Variants in TTC34 observed in about 807,000 individuals in gnomAD.
TTC34 encodes tetratricopeptide repeat domain 34, also known as tetratricopeptide repeat protein 34.
In TTC34, 44 loss-of-function variants were observed where a neutral mutation model predicts 40.7. The ratio of observed to expected loss-of-function variants is 1.08; its 90% CI spans 0.85 to 1.39. The LOEUF is 1.39. TTC34 is among the 40% of genes most tolerant of loss of function. The pLI is 0.00. For missense variants in TTC34, 884 were observed against 838.0 expected, an observed-to-expected ratio of 1.05 and a Z score of -0.68; for synonymous variants, 422 against 398.6, an observed-to-expected ratio of 1.06 and a Z score of -0.70.
intron 6 of TTC34, among the ~76,000 whole-genome samples, chr1:2,686,485 AGCTGAGCCTGTGACAGCCT>A (rs1640354840): frequency 5.3e-5 from 5 of 94,026 alleles, no homozygotes; most frequent in African/African-American, 2.5e-4. Flanking sequence ...CCACATGCCC[AGCTGAGCCTGTGACAGCCT>A]CGAACAGCAC....
intron 6 of TTC34, chr1:2,774,989 C>A: frequency 7.9e-6 from 1 of 126,426 alleles, no homozygotes; most frequent in Non-Finnish European, 1.7e-5. Flanking sequence ...CCCTGCACCC[C>A]CAGGTGAGCA....
intron 6 of TTC34, among the ~76,000 whole-genome samples, chr1:2,678,123 G>A (rs867043947): frequency 7.4e-5 from 1 of 13,482 alleles, no homozygotes. Flanking sequence ...GCCCGGAGCA[G>A]TGCCCACACC....
At chr1:2,685,182 T>C (rs1640272385) in intron 6 of TTC34, among the ~76,000 whole-genome samples, 1 of 142,384 alleles carries the variant, frequency 7.0e-6, no homozygotes, top group Non-Finnish European at 1.5e-5. Context: ...TCTGACTGCC[T>C]GGAACAGCAC....
intron 6 of TTC34, among the ~76,000 whole-genome samples, chr1:2,683,428 T>A (rs1241780939): frequency 1.8e-4 from 1 of 5,534 alleles, no homozygotes; most frequent in Non-Finnish European, 3.5e-4. Context: ...AACACCACCC[T>A]TCACCCCCAG....
chr1:2,654,165 C>T (rs1249540445), intron 6 of TTC34, among the ~76,000 whole-genome samples: 145 of 136,606 alleles, frequency 1.1e-3, no homozygotes, highest in Admixed American at 3.6e-3. Flanking sequence ...GAGCAGCACC[C>T]ACACCCCCAG....
chr1:2,683,795 C>T (rs1463133988), intron 6 of TTC34, among the ~76,000 whole-genome samples: 5 of 151,272 alleles, frequency 3.3e-5, no homozygotes, highest in Non-Finnish European at 5.9e-5. Context: ...CACGCACACC[C>T]CCAGTTGAGC....
intron 6 of TTC34, among the ~76,000 whole-genome samples, chr1:2,652,904 A>C (rs1639199383): frequency 6.6e-6 from 1 of 152,160 alleles, no homozygotes; most frequent in Non-Finnish European, 1.5e-5. Context: ...TGAGCATCGG[A>C]GAGTCTGGAG....
intron 6 of TTC34, among the ~76,000 whole-genome samples, chr1:2,750,362 C>A (rs1307164964): frequency 2.0e-5 from 2 of 101,690 alleles, no homozygotes; most frequent in African/African-American, 4.7e-5. Context: ...CAGCACCCTG[C>A]ACCCCGAGGT....
intron 6 of TTC34, among the ~76,000 whole-genome samples, chr1:2,751,042 CA>C (rs1641302471): frequency 8.2e-6 from 1 of 121,734 alleles, no homozygotes; most frequent in Non-Finnish European, 1.7e-5. Flanking sequence ...GAACAGAACC[CA>C]CACCCCCAGG....
chr1:2,692,023 AC>A (rs1182779665), intron 6 of TTC34, among the ~76,000 whole-genome samples: 1 of 111,096 alleles, frequency 9.0e-6, no homozygotes. Context: ...CAGCACCCAC[AC>A]CCCCAGGTGA....
Position 2,751,450 on chromosome 1 carries a change from C to A in TTC34, c.2226+32159G>T, listed in dbSNP as rs1393953179. On this transcript the variant is annotated intron_variant, in intron 6 of 8. Transcript: ENST00000401095. ...CAGCCTGGAACAGAGCCCAGACCCC[C>A]AGGTGAGCATCTGACAGACTGGAAC... is the stretch of plus-strand genomic sequence containing the variant. Among the ~76,000 whole-genome samples the A allele has an allele frequency of 5.0e-5, 5 of 100,836 alleles. 1 individual carries two copies. Among genetic ancestry groups the A allele is most frequent in the African/African-American group, 9.0e-5 (2 of 22,334 alleles). The allele number at this position is 100,836 out of a possible 152,430, so 66.2% of individuals were successfully genotyped here. A position where few individuals can be genotyped will look rare whatever the true frequency, so the allele number is the denominator to read the frequency against.
intron 6 of TTC34, among the ~76,000 whole-genome samples, chr1:2,781,089 C>T (rs1462623097): frequency 1.3e-5 from 2 of 152,082 alleles, no homozygotes; most frequent in African/African-American, 4.8e-5. Context: ...GAATTTTTTT[C>T]AATAAATACA....
intron 6 of TTC34, among the ~76,000 whole-genome samples, chr1:2,764,129 C>G (rs1422562141): frequency 7.6e-5 from 11 of 145,544 alleles, no homozygotes; most frequent in African/African-American, 2.6e-4. Flanking sequence ...CAGCCTGGAA[C>G]AGAACCCCAC....
chr1:2,675,763 CA>C (rs2100295149), intron 6 of TTC34, among the ~76,000 whole-genome samples: 2 of 47,768 alleles, frequency 4.2e-5, no homozygotes, highest in Non-Finnish European at 1.0e-4. Flanking sequence ...GGCAACCACA[CA>C]CGCAGGTGCG....
At chr1:2,681,922 G>A (rs1371622437) in intron 6 of TTC34, among the ~76,000 whole-genome samples, 1 of 112,018 alleles carries the variant, frequency 8.9e-6, no homozygotes, top group Admixed American at 8.6e-5. Flanking sequence ...GTGCGCATGT[G>A]ACAGCCTGGA....
At chr1:2,685,229 G>T (rs1158412890) in intron 6 of TTC34, among the ~76,000 whole-genome samples, 2 of 81,842 alleles carry the variant, frequency 2.4e-5, no homozygotes, top group African/African-American at 4.4e-5. Flanking sequence ...TCGTGGAGCA[G>T]CACCCACACC....
At chr1:2,795,577 C>T (rs1411575775) in intron 2 of TTC34, among the ~76,000 whole-genome samples, 3 of 152,202 alleles carry the variant, frequency 2.0e-5, no homozygotes, top group African/African-American at 4.8e-5. Context: ...ATCACTTCTA[C>T]CATATTCTAC....
intron 6 of TTC34, among the ~76,000 whole-genome samples, chr1:2,683,751 C>A (rs113131425): frequency 6.7e-6 from 1 of 150,042 alleles, no homozygotes. Context: ...ACAGCACCCA[C>A]ACCCCCAGGT....
At chr1:2,687,377 C>A (rs1314604274) in intron 6 of TTC34, among the ~76,000 whole-genome samples, 2 of 151,530 alleles carry the variant, frequency 1.3e-5, no homozygotes, top group African/African-American at 2.4e-5. Flanking sequence ...CCCAGGCGAG[C>A]ATCTGACAGC....
Sources: allele counts gnomAD v4.1 joint callset (sites outside exome capture counted in the v4.1 genomes callset), GRCh38; gene constraint gnomAD v4.1.1; transcripts MANE v1.5; gene names NCBI Gene and HGNC (gene_info 2026-07-23, HGNC 2026-07-21).